Variants in CDKL5 observed in about 807,000 individuals in gnomAD.
CDKL5 encodes cyclin dependent kinase like 5.
A neutral mutation model predicts 61.7 loss-of-function variants in CDKL5; 8 were observed. The ratio of observed to expected loss-of-function variants is 0.13; its 90% CI spans 0.08 to 0.23. The LOEUF is 0.23. CDKL5 is among the 10% of genes least tolerant of loss of function. CDKL5 has a pLI of 1.00. For missense variants in CDKL5, 440 were observed against 734.5 expected (o/e 0.60, Z 4.63); for synonymous variants, 275 against 272.3 (o/e 1.01, Z -0.10).
At chrX:18,580,778 A>G (rs772682041) in intron 6 of CDKL5, among the ~76,000 whole-genome samples, 7 of 112,371 alleles carry the variant, frequency 6.2e-5, no homozygotes, top group Non-Finnish European at 1.3e-4. Context: ...AAAGAATGCT[A>G]CATTTTAATT....
Position 18,506,982 on chromosome X carries a change from A to G in CDKL5, c.-115A>G. On this transcript the variant is annotated 5_prime_UTR_variant, in exon 2 of 18. Transcript: ENST00000623535. Reference sequence around the variant, plus strand: ...TTAGAACAAATATGTGAAAGTTCCCACCAACCAGTGAGAATTTCTTCCTTC... The same window carrying G: ...TTAGAACAAATATGTGAAAGTTCCCGCCAACCAGTGAGAATTTCTTCCTTC... 1 of 560,705 alleles carries G rather than the reference A, an allele frequency of 1.8e-6. No individual in the cohort carries two copies. The highest frequency in any genetic ancestry group is 3.2e-6 in the Non-Finnish European group (1 of 314,086). The allele number at this position is 560,705 out of a possible 1,213,427, so 46.2% of individuals were successfully genotyped here. A position where few individuals can be genotyped will look rare whatever the true frequency, so the allele number is the denominator to read the frequency against.
At chrX:18,550,768 A>G (rs1222780331) in intron 3 of CDKL5, among the ~76,000 whole-genome samples, 1 of 112,666 alleles carries the variant, frequency 8.9e-6, no homozygotes, top group East Asian at 2.8e-4. Flanking sequence ...TCAGTGTTAT[A>G]AAATAAGGAC....
At chrX:18,563,513 A>G (rs894362139) in intron 3 of CDKL5, among the ~76,000 whole-genome samples, 1 of 112,083 alleles carries the variant, frequency 8.9e-6, no homozygotes, top group Non-Finnish European at 1.9e-5. Context: ...TTCATTAAAA[A>G]CAAAAACACA....
At position 18,635,206 on chromosome X, in the gene CDKL5, G is replaced by A. The variant is rs1231004282; in HGVS notation, c.*6449G>A. On this transcript the variant is annotated 3_prime_UTR_variant, in exon 18 of 18. Coordinates refer to ENST00000623535, the MANE Select transcript of CDKL5 (RefSeq NM_001323289.2). ...ATCATGTGTTGGTACATCTTATCAAGTTTTTTCTGGCATGTAATTCCATTC... is the reference window on the plus strand; with the variant it reads ...ATCATGTGTTGGTACATCTTATCAAATTTTTTCTGGCATGTAATTCCATTC... 1.3e-6 allele frequency: 1 copy of A among 744,221 alleles called. No individual in the cohort carries two copies. The highest frequency in any genetic ancestry group is 1.6e-6 in the Non-Finnish European group (1 of 632,370). The allele number at this position is 744,221 out of a possible 1,213,427, so 61.3% of individuals were successfully genotyped here.
At chrX:18,523,552 C>T (rs748163600) in intron 3 of CDKL5, among the ~76,000 whole-genome samples, 34 of 111,465 alleles carry the variant, frequency 3.1e-4, no homozygotes, top group African/African-American at 1.0e-3. Context: ...ATGTATACAA[C>T]GAACAAAATG....
chrX:18,551,206 A>G (rs1164367360), intron 3 of CDKL5, among the ~76,000 whole-genome samples: 4 of 111,229 alleles, frequency 3.6e-5, no homozygotes, highest in African/African-American at 1.3e-4. Flanking sequence ...AGGGTAGTAA[A>G]TTTATATTAG....
At chrX:18,470,335 CAA>C (rs1159973577) in intron 1 of CDKL5, among the ~76,000 whole-genome samples, 1 of 24,910 alleles carries the variant, frequency 4.0e-5, no homozygotes, top group African/African-American at 1.2e-4. Context: ...GACTCCGTCT[CAA>C]AAAAAAAAAG....
At chrX:18,507,640 C>T (rs755040713) in intron 2 of CDKL5, among the ~76,000 whole-genome samples, 2 of 110,318 alleles carry the variant, frequency 1.8e-5, no homozygotes, top group Non-Finnish European at 3.8e-5. Flanking sequence ...GGCATGATCT[C>T]GGCTCACTGC....
In CDKL5 at chrX:18,434,018, G is replaced by A. The variant is rs777052111; in HGVS notation, c.-163+8323G>A. On this transcript the variant is annotated intron_variant, in intron 1 of 17. Coordinates refer to ENST00000623535, the MANE Select transcript of CDKL5 (RefSeq NM_001323289.2). Reference sequence around the variant, plus strand: ...TGGATTGTGATGGGATTTGCAAACAGCTTAACATGCAAGGTACTGTAACTG... The same window carrying A: ...TGGATTGTGATGGGATTTGCAAACAACTTAACATGCAAGGTACTGTAACTG... 4.5e-5 allele frequency among the ~76,000 whole-genome samples: 5 copies of A among 111,890 alleles called. No individual in the cohort carries two copies. In the East Asian group the frequency reaches 1.4e-3, roughly 31 times the overall value.
intron 20 of CDKL5, among the ~76,000 whole-genome samples, chrX:18,649,847 G>A (rs1469410758): frequency 2.7e-5 from 3 of 112,236 alleles, no homozygotes; most frequent in Non-Finnish European, 5.6e-5. Flanking sequence ...AAGCCCGAGC[G>A]ATCAGGGGGA....
In CDKL5 at chrX:18,604,190, C is replaced by T. The variant is rs762708691; in HGVS notation, c.1266C>T (p.Asp422=). The change falls in exon 12 of 18, where the codon GAC becomes GAT. Residue 422 remains aspartate (D), a synonymous_variant. Transcript: ENST00000623535. Reference sequence around the variant, plus strand: ...AAACAGAGTTTGATTTTAATATTGACCCAAAGCCTTCAGAAGGCCCAGGGA... The same window carrying T: ...AAACAGAGTTTGATTTTAATATTGATCCAAAGCCTTCAGAAGGCCCAGGGA... ...KSKTEFDFNI[D]PKPSEGPGTK... is the part of the protein sequence containing the mutation. The T allele has an allele frequency of 1.7e-6, 2 of 1,211,281 alleles. No individual in the cohort carries two copies. Among genetic ancestry groups the T allele is most frequent in the Non-Finnish European group, 2.2e-6 (2 of 895,077 alleles).
At chrX:18,609,834 C>T (rs774713980) in intron 14 of CDKL5, among the ~76,000 whole-genome samples, 1 of 111,563 alleles carries the variant, frequency 9.0e-6, no homozygotes, top group East Asian at 2.8e-4. Flanking sequence ...GTGTTCTGAC[C>T]ATACCACTCA....
chrX:18,505,988 G>A (rs769743807), intron 1 of CDKL5, among the ~76,000 whole-genome samples: 3 of 112,531 alleles, frequency 2.7e-5, no homozygotes, highest in South Asian at 3.6e-4. Flanking sequence ...ATTATACTTC[G>A]CAAAAGAGCT....
At chrX:18,530,443 G>A (rs1167227811) in intron 3 of CDKL5, among the ~76,000 whole-genome samples, 2 of 110,364 alleles carry the variant, frequency 1.8e-5, no homozygotes, top group Non-Finnish European at 3.8e-5. Flanking sequence ...GCTCAGCCGT[G>A]TCCAGTTTAC....
At chrX:18,514,824 G>T (rs770607556) in intron 3 of CDKL5, among the ~76,000 whole-genome samples, 1 of 109,321 alleles carries the variant, frequency 9.1e-6, no homozygotes, top group Non-Finnish European at 1.9e-5. Flanking sequence ...TTTTTGTGAC[G>T]AAGTCTCACT....
rs1926284319 is a variant in CDKL5 at position 18,604,426 on chromosome X, T to C, written c.1502T>C (p.Leu501Pro). 8.3e-7 allele frequency: 1 copy of C among 1,211,668 alleles called. No individual in the cohort carries two copies. Among genetic ancestry groups the C allele is most frequent in the Non-Finnish European group, 1.1e-6 (1 of 895,432 alleles). The change falls in exon 12 of 18, where the codon CTT becomes CCT. Residue 501 changes from leucine (L) to proline (P), a missense_variant. Coordinates refer to ENST00000623535, the MANE Select transcript of CDKL5 (RefSeq NM_001323289.2). ...ALSDSKSVSN[L>P]SEARAQIAEP... ...AGTGACTCCAAGTCTGTGAGCAACC[T>C]TTCTGAAGCCAGGGCCCAAATTGCG...
chrX:18,614,352 TTATA>T (rs1196334459), intron 15 of CDKL5, among the ~76,000 whole-genome samples: 2 of 112,746 alleles, frequency 1.8e-5, no homozygotes, highest in African/African-American at 6.4e-5. Context: ...CATTGCCTAT[TTATA>T]AAATGACAGT....
chrX:18,453,843 T>C lies in CDKL5; in HGVS notation c.-163+28148T>C, dbSNP rs184708463. Among the ~76,000 whole-genome samples the C allele has an allele frequency of 4.9e-3, 553 of 112,465 alleles. 3 individuals carry two copies. The highest frequency in any genetic ancestry group is 9.2e-3 in the Middle Eastern group (2 of 218). ...AAAACCTACGTTTTCATAGGCGTGT[T>C]GTCTTTGTAAGATCTAACTCTGCAG... On this transcript the variant is annotated intron_variant, in intron 1 of 17. Transcript: ENST00000623535.
chrX:18,430,892 C>A (rs1440061942), intron 1 of CDKL5, among the ~76,000 whole-genome samples: 1 of 108,810 alleles, frequency 9.2e-6, no homozygotes, highest in East Asian at 2.8e-4. Flanking sequence ...ATGAGTCCCC[C>A]ACTCTGTTGC....
Sources: gnomAD v4.1 joint callset for allele counts (sites outside exome capture counted in the v4.1 genomes callset) on GRCh38, gnomAD v4.1.1 for gene constraint, MANE v1.5 for transcripts, NCBI Gene and HGNC (gene_info 2026-07-23, HGNC 2026-07-21) for gene names.